Variants in SEMA4D observed in about 807,000 individuals in gnomAD.
The protein encoded by SEMA4D is semaphorin 4D.
SEMA4D carries 22 observed loss-of-function variants against 74.8 expected under a neutral mutation model. That is an observed-to-expected ratio of 0.29 (90% CI 0.21 to 0.42). SEMA4D has a LOEUF of 0.42. Ranked by LOEUF, SEMA4D falls within the 10% of genes least tolerant of loss-of-function variation. The probability of loss-of-function intolerance (pLI) is 1.00; values close to 1 mark genes in which losing one functional copy is unlikely to be tolerated. For synonymous variants in SEMA4D, 445 were observed against 463.7 expected, an observed-to-expected ratio of 0.96 and a Z score of 0.52; for missense variants, 937 against 1,118.4, an observed-to-expected ratio of 0.84 and a Z score of 2.31.
intron 1 of SEMA4D, among the ~76,000 whole-genome samples, chr9:89,458,074 G>A (rs929901583): frequency 6.6e-6 from 1 of 152,086 alleles, no homozygotes; most frequent in African/African-American, 2.4e-5. Flanking sequence ...ACCCTGAGGA[G>A]GTGACCTTGT....
chr9:89,372,340 G>C (rs1213107123), downstream of SEMA4D, among the ~76,000 whole-genome samples: 1 of 126,032 alleles, frequency 7.9e-6, no homozygotes. Flanking sequence ...GTGTGTGTGG[G>C]GGGGTGTGGT....
intron 16 of SEMA4D, among the ~76,000 whole-genome samples, chr9:89,371,064 CTGGGGTG>C (rs1310325457): frequency 3.3e-5 from 2 of 61,348 alleles, no homozygotes; most frequent in South Asian, 6.4e-4. Flanking sequence ...ATGTGTATGT[CTGGGGTG>C]TGGGGTGTGT....
chr9:89,380,961 A>G, intron 15 of SEMA4D, 94 bp downstream of exon 15: 3 of 1,468,402 alleles, frequency 2.0e-6, no homozygotes, highest in Non-Finnish European at 2.9e-6. Flanking sequence ...AAGAAAAACA[A>G]AACACACACA....
In SEMA4D at chr9:89,378,866, T is replaced by G; in HGVS notation, c.2427A>C (p.Pro809=). 2 of 1,614,248 alleles carry G rather than the reference T, an allele frequency of 1.2e-6. No homozygotes were observed. Among genetic ancestry groups the G allele is most frequent in the Non-Finnish European group, 8.5e-7 (1 of 1,180,040 alleles). ...CGGTCTCATAGCCGGTGTCCAGGGC[T>G]GGCTTGGGGTGCTCCCCATTCTGCT... ...FSQQNGEHPK[P]ALDTGYETEQ... Residue 809 remains proline, a synonymous_variant, in exon 16 of 16, where the codon CCA becomes CCC. Transcript: ENST00000422704.
intron 2 of SEMA4D, among the ~76,000 whole-genome samples, chr9:89,445,793 C>G (rs891172899): frequency 5.3e-5 from 8 of 152,100 alleles, no homozygotes; most frequent in African/African-American, 1.9e-4. Flanking sequence ...CCAACTCACT[C>G]TGGGGAGGGC....
intron 2 of SEMA4D, among the ~76,000 whole-genome samples, chr9:89,433,426 CA>C (rs1277898827): frequency 1.7e-4 from 26 of 152,160 alleles, no homozygotes; most frequent in African/African-American, 6.0e-4. Context: ...GAGGGCTCTC[CA>C]ATCAGCAGAG....
intron 16 of SEMA4D, among the ~76,000 whole-genome samples, chr9:89,371,566 G>T (rs1157400511): frequency 1.7e-5 from 1 of 59,048 alleles, no homozygotes; most frequent in East Asian, 6.6e-4. Flanking sequence ...GTGTGTGGGG[G>T]GGGGTGTGTG....
chr9:89,419,603 A>G (rs753744347), intron 2 of SEMA4D, among the ~76,000 whole-genome samples: 1 of 152,220 alleles, frequency 6.6e-6, no homozygotes, highest in Non-Finnish European at 1.5e-5. Flanking sequence ...AATAATGTGA[A>G]TATCACGGAT....
intron 2 of SEMA4D, among the ~76,000 whole-genome samples, chr9:89,438,715 G>C (rs1851000749): frequency 6.6e-6 from 1 of 152,096 alleles, no homozygotes; most frequent in Non-Finnish European, 1.5e-5. Flanking sequence ...GCCCAGGCTG[G>C]AATGCAGTGG....
At chr9:89,371,170 G>GGT (rs1478640156) in intron 16 of SEMA4D, among the ~76,000 whole-genome samples, 12 of 99,482 alleles carry the variant, frequency 1.2e-4, no homozygotes, top group African/African-American at 4.9e-4. Context: ...GGGTGTATAA[G>GGT]GTGTGTGTGG....
chr9:89,417,675 C>T (rs1457207380), intron 2 of SEMA4D, among the ~76,000 whole-genome samples: 3 of 152,186 alleles, frequency 2.0e-5, no homozygotes, highest in Non-Finnish European at 4.4e-5. Flanking sequence ...CTTATTACAC[C>T]ACACCTTACC....
In SEMA4D at chr9:89,381,254, C is replaced by T; in HGVS notation, c.1539G>A (p.Val513=). The part of the protein sequence containing the change: ...CGKHGTCEDC[V]LARDPYCAWS... ...AGGCGCAGTAGGGGTCCCGCGCCAGCACACAGTCCTCGCAGGTGCCGTGCT... is the reference window on the plus strand; with the variant it reads ...AGGCGCAGTAGGGGTCCCGCGCCAGTACACAGTCCTCGCAGGTGCCGTGCT... Residue 513 remains valine (V), a synonymous_variant, in exon 14 of 16, where the codon GTG becomes GTA. Coordinates refer to ENST00000422704, the MANE Select transcript of SEMA4D (RefSeq NM_001371194.2). This position sits in a 1 kb window ranked among gnomAD's most constrained non-coding sequence, Gnocchi z 4.6. The T allele has an allele frequency of 6.2e-7, 1 of 1,602,952 alleles. No individual in the cohort carries two copies. Among genetic ancestry groups the T allele is most frequent in the African/African-American group, 1.3e-5 (1 of 74,864 alleles).
At chr9:89,411,215 G>C (rs1401133158) in intron 2 of SEMA4D, among the ~76,000 whole-genome samples, 1 of 152,200 alleles carries the variant, frequency 6.6e-6, no homozygotes, top group Non-Finnish European at 1.5e-5. Context: ...CAAAGAGTCT[G>C]AAGATGAATT....
At chr9:89,480,159 T>G (rs900376306) in intron 1 of SEMA4D, among the ~76,000 whole-genome samples, 2 of 151,910 alleles carry the variant, frequency 1.3e-5, no homozygotes, top group Non-Finnish European at 2.9e-5. Context: ...GGGTGCTGAT[T>G]GGTGTATTTA....
intron 2 of SEMA4D, among the ~76,000 whole-genome samples, chr9:89,449,007 G>C (rs1022077691): frequency 6.6e-6 from 1 of 152,276 alleles, no homozygotes; most frequent in Middle Eastern, 3.4e-3. Context: ...ATGCATTCAG[G>C]GTACAGCTGG....
intron 1 of SEMA4D, among the ~76,000 whole-genome samples, chr9:89,481,556 G>A (rs1248448067): frequency 2.0e-5 from 3 of 152,234 alleles, no homozygotes; most frequent in African/African-American, 4.8e-5. Context: ...GCCTCAAACT[G>A]GAAGCCGAGA....
intron 2 of SEMA4D, among the ~76,000 whole-genome samples, chr9:89,454,447 T>C (rs1185704365): frequency 6.6e-6 from 1 of 152,096 alleles, no homozygotes; most frequent in African/African-American, 2.4e-5. Context: ...CTCCTCTATT[T>C]CCACACCAGA....
chr9:89,475,666 G>C (rs1289569961), intron 1 of SEMA4D, among the ~76,000 whole-genome samples: 1 of 152,170 alleles, frequency 6.6e-6, no homozygotes, highest in Admixed American at 6.5e-5. Context: ...GCCTGCCGTG[G>C]ACCACCAGGC....
rs745989915 is a variant in SEMA4D at position 89,379,283 on chromosome 9, G to A, written c.2010C>T (p.Thr670=). The A allele has an allele frequency of 1.9e-6, 3 of 1,614,138 alleles. No homozygotes were observed. The highest frequency in any genetic ancestry group is 4.5e-5 in the East Asian group (2 of 44,880). ...VVQTEGSRIA[T]KVLVASTQGS... is the part of the protein sequence containing the mutation. ...CTTGGGTGGATGCCACCAACACTTT[G>A]GTGGCAATCCTACTACCTTCTGTCT... The change falls in exon 16 of 16, where the codon ACC becomes ACT. Residue 670 remains threonine (T), a synonymous_variant. Coordinates refer to ENST00000422704, the MANE Select transcript of SEMA4D (RefSeq NM_001371194.2).
Sources: allele counts gnomAD v4.1 joint callset (sites outside exome capture counted in the v4.1 genomes callset), GRCh38; gene constraint gnomAD v4.1.1; non-coding constraint Gnocchi (gnomAD v3.1); transcripts MANE v1.5; gene names NCBI Gene and HGNC (gene_info 2026-07-23, HGNC 2026-07-21).